CEP290: variants seen among roughly 807,000 people sequenced by gnomAD.
CEP290 encodes the protein centrosomal protein 290, also known as centrosomal protein of 290 kDa.
CEP290 carries 317 observed loss-of-function variants against 344.9 expected under a neutral mutation model. The observed-to-expected ratio is 0.92, with a 90% CI of 0.84 to 1.01. CEP290 has a LOEUF of 1.01. Ranked by LOEUF, CEP290 falls within the 50% of genes least tolerant of loss-of-function variation. The pLI is 0.00. For synonymous variants in CEP290, 932 were observed against 895.8 expected (o/e 1.04, Z -0.72); for missense variants, 2,754 against 2,761.4 (o/e 1.00, Z 0.06).
At position 88,136,544 on chromosome 12, in the gene CEP290, A is replaced by C. The variant is rs2040362429; in HGVS notation, c.441+99T>G. On this transcript the variant is annotated intron_variant, in intron 6 of 53. Transcript: ENST00000552810. The stretch of plus-strand genomic sequence containing the variant: ...AGAGATAAGTGTACATCATTTTTCA[A>C]ATATAACATACAATATAAAAATTGA... 5 of 1,208,666 alleles carry C rather than the reference A, an allele frequency of 4.1e-6. No homozygotes were observed. The Admixed American group carries it at 9.9e-5, about 24-fold the overall frequency. 74.9% of individuals were successfully genotyped at this position (1,208,666 alleles called of 1,614,324 possible).
At chr12:88,084,554 A>G (rs1167708445) in intron 35 of CEP290, 32 bp downstream of exon 35, 1 of 1,560,648 alleles carries the variant, frequency 6.4e-7, no homozygotes, top group East Asian at 2.2e-5. Flanking sequence ...AAACTAATGG[A>G]TAACAGCATA....
At chr12:88,117,735 TAGAAA>T (rs915644924) in intron 17 of CEP290, among the ~76,000 whole-genome samples, 12 of 152,250 alleles carry the variant, frequency 7.9e-5, no homozygotes, top group Non-Finnish European at 1.8e-4. Context: ...TACTTTCACT[TAGAAA>T]AGAATAATTT....
intron 18 of CEP290, 190 bp from the exon 19 acceptor site, chr12:88,115,372 C>A: frequency 1.4e-6 from 1 of 728,422 alleles, no homozygotes; most frequent in Non-Finnish European, 2.1e-6. Flanking sequence ...TGATCTTAAT[C>A]CCACTTTCTC....
intron 22 of CEP290, among the ~76,000 whole-genome samples, chr12:88,109,446 G>A (rs993067098): frequency 5.3e-5 from 8 of 152,040 alleles, no homozygotes; most frequent in South Asian, 2.1e-4. Flanking sequence ...TTATAAACTC[G>A]CCTCTAGTCA....
chr12:88,057,700 C>T (rs1197630493), intron 49 of CEP290, among the ~76,000 whole-genome samples: 1 of 152,132 alleles, frequency 6.6e-6, no homozygotes, highest in Non-Finnish European at 1.5e-5. Flanking sequence ...TCCAGGACTT[C>T]ATGTCCATCT....
At chr12:88,116,831 G>A (rs943716180) in intron 18 of CEP290, among the ~76,000 whole-genome samples, 5 of 151,910 alleles carry the variant, frequency 3.3e-5, no homozygotes, top group African/African-American at 7.2e-5. Context: ...AAAATTAGCC[G>A]GGCGTGGTGG....
chr12:88,140,919 T>G, intron 3 of CEP290, 37 bp downstream of exon 3: 1 of 1,395,316 alleles, frequency 7.2e-7, no homozygotes, highest in Non-Finnish European at 9.8e-7. Context: ...GTTCCACTAA[T>G]AGCCAAACCT....
At position 88,077,068 on chromosome 12, in the gene CEP290, G is replaced by A. The variant is rs181993728; in HGVS notation, c.5709+154C>T. ...AGAACAGAAACTTAGACTTTTCTAC[G>A]TTATTCAATACTGCTTATAGTCCTC... On this transcript the variant is annotated intron_variant, in intron 41 of 53. Coordinates refer to ENST00000552810, the MANE Select transcript of CEP290 (RefSeq NM_025114.4). Among the ~76,000 whole-genome samples, 104 of 152,018 alleles carry A rather than the reference G, an allele frequency of 6.8e-4. 1 individual carries two copies. In the Middle Eastern group the frequency reaches 0.014, roughly 20 times the overall value.
chr12:88,093,174 A>C (rs2037175392), intron 28 of CEP290, among the ~76,000 whole-genome samples: 1 of 152,130 alleles, frequency 6.6e-6, no homozygotes, highest in African/African-American at 2.4e-5. Context: ...AATCCAAATG[A>C]GTTAATAAAA....
chr12:88,136,155 CATATAT>C (rs146107815), intron 6 of CEP290: 1 of 151,148 alleles, frequency 6.6e-6, no homozygotes, highest in East Asian at 1.9e-4. Flanking sequence ...AAAAACTATA[CATATAT>C]ATATATATCT....
At chr12:88,114,984 T>C in intron 19 of CEP290, 114 bp downstream of exon 19, 1 of 608,448 alleles carries the variant, frequency 1.6e-6, no homozygotes, top group South Asian at 2.0e-5. Context: ...AGTACAGAGG[T>C]AATTAGGAGT....
chr12:88,092,685 A>T lies in CEP290; in HGVS notation c.3457T>A (p.Ser1153Thr), dbSNP rs1315984770. The T allele has an allele frequency of 6.2e-7, 1 of 1,608,220 alleles. No homozygotes were observed. Among genetic ancestry groups the T allele is most frequent in the Non-Finnish European group, 8.5e-7 (1 of 1,177,822 alleles). The change falls in exon 29 of 54, where the codon TCA becomes ACA. Residue 1153 changes from serine to threonine, a missense_variant. Transcript: ENST00000552810. ...AAAATGCTTATATGCACTTACTTTG[A>T]CACTTCAACTTTTAGTTCCATTTCA... Reference protein sequence around the residue: ...KNEMELKVEVSKLREISDIAR... With the variant: ...KNEMELKVEVTKLREISDIAR...
chr12:88,122,705 G>A (rs76376809), intron 13 of CEP290, among the ~76,000 whole-genome samples: 5,937 of 152,064 alleles, frequency 0.039, 201 homozygotes, highest in African/African-American at 0.088. Flanking sequence ...ATTAGAATAC[G>A]CACAATCCAT....
chr12:88,077,376 C>A (rs1303319375), intron 40 of CEP290, 32 bp from the exon 41 acceptor site: 1 of 1,327,976 alleles, frequency 7.5e-7, no homozygotes, highest in Non-Finnish European at 1.0e-6. Context: ...TATATTTTTA[C>A]AAATAAATGT....
At chr12:88,115,765 C>A (rs1452667193) in intron 18 of CEP290, 1 of 974,574 alleles carries the variant, frequency 1.0e-6, no homozygotes, top group African/African-American at 1.8e-5. Flanking sequence ...GAAAAACTCA[C>A]CTGAGATCTA....
chr12:88,097,344 C>T (rs2037504173), intron 26 of CEP290, among the ~76,000 whole-genome samples: 1 of 151,846 alleles, frequency 6.6e-6, no homozygotes, highest in African/African-American at 2.4e-5. Flanking sequence ...ATAGTAAGTT[C>T]TCACGATGTC....
At chr12:88,133,249 T>C (rs938411992) in intron 6 of CEP290, among the ~76,000 whole-genome samples, 3 of 151,746 alleles carry the variant, frequency 2.0e-5, no homozygotes, top group African/African-American at 7.3e-5. Context: ...TTAATTTTTG[T>C]TTGTTTTGTT....
rs760415289 is a variant in CEP290 at position 88,118,549 on chromosome 12, G to A, written c.1645C>T (p.Arg549Ter). ...CGAATTTTTTTTTTCAGATCAAGTC[G>A]TTCTTCCTCTAGACTTTCAATCTGC... ...LKEIESLEEE[R>*]LDLKKKIRQM... The change falls in exon 17 of 54, where the codon CGA becomes TGA. Residue 549 changes from arginine to a stop codon, truncating the protein, a stop_gained. Coordinates refer to ENST00000552810, the MANE Select transcript of CEP290 (RefSeq NM_025114.4). LOFTEE classifies it high-confidence loss of function. The A allele has an allele frequency of 1.4e-5, 22 of 1,589,460 alleles. No homozygotes were observed. The highest frequency in any genetic ancestry group is 2.3e-5 in the South Asian group (2 of 88,462).
chr12:88,101,038 A>G (rs1435288597), intron 26 of CEP290, among the ~76,000 whole-genome samples: 1 of 152,104 alleles, frequency 6.6e-6, no homozygotes, highest in Non-Finnish European at 1.5e-5. Context: ...TGGGAGTCAC[A>G]GGGTAGGATT....
Sources: gnomAD v4.1 joint callset for allele counts (sites outside exome capture counted in the v4.1 genomes callset) on GRCh38, gnomAD v4.1.1 for gene constraint, MANE v1.5 for transcripts, NCBI Gene and HGNC (gene_info 2026-07-23, HGNC 2026-07-21) for gene names.